Variants in KIF16B observed in about 807,000 individuals in gnomAD.
The protein encoded by KIF16B is kinesin family member 16B.
KIF16B carries 98 observed loss-of-function variants against 156.3 expected under a neutral mutation model. That is an observed-to-expected ratio of 0.63 (90% CI 0.53 to 0.74). KIF16B has a LOEUF of 0.74. Ranked by LOEUF, KIF16B falls within the 30% of genes least tolerant of loss-of-function variation. KIF16B has a pLI of 0.00. For missense variants in KIF16B, 1,421 were observed against 1,606.5 expected (o/e 0.88, Z 1.97); for synonymous variants, 564 against 583.7 (o/e 0.97, Z 0.49).
intron 1 of KIF16B, among the ~76,000 whole-genome samples, chr20:16,540,331 G>T (rs1000330627): frequency 6.9e-6 from 1 of 144,390 alleles, no homozygotes; most frequent in African/African-American, 2.5e-5. Flanking sequence ...TTCAGGGGAT[G>T]AGAAAATAAA....
chr20:16,340,704 A>G (rs1265345436), intron 23 of KIF16B, among the ~76,000 whole-genome samples: 1 of 152,170 alleles, frequency 6.6e-6, no homozygotes, highest in Admixed American at 6.5e-5. Flanking sequence ...TTTCACAGCT[A>G]ATTAATGTTG....
At chr20:16,369,004 T>C (rs2064750303) in intron 22 of KIF16B, 2 of 985,880 alleles carry the variant, frequency 2.0e-6, no homozygotes, top group African/African-American at 3.5e-5. Flanking sequence ...TGGTTCAAAA[T>C]GGCCAGCATG....
chr20:16,356,270 A>G, intron 23 of KIF16B, 60 bp downstream of exon 23: 2 of 1,598,934 alleles, frequency 1.3e-6, no homozygotes, highest in South Asian at 1.1e-5. Flanking sequence ...AAATAAAGAC[A>G]GATAAAGCAC....
chr20:16,476,818 G>C (rs927973625), intron 12 of KIF16B, among the ~76,000 whole-genome samples: 9 of 152,124 alleles, frequency 5.9e-5, no homozygotes, highest in African/African-American at 2.2e-4. Context: ...GAATGCAGTG[G>C]CTCAATCTCG....
At chr20:16,412,288 G>A (rs2065976525) in intron 15 of KIF16B, among the ~76,000 whole-genome samples, 1 of 151,972 alleles carries the variant, frequency 6.6e-6, no homozygotes, top group African/African-American at 2.4e-5. Context: ...GAGCTGATTT[G>A]GTAGTAGACC....
At position 16,273,259 on chromosome 20, in the gene KIF16B, C is replaced by G. The variant is rs143718132; in HGVS notation, c.3948G>C (p.Thr1316=). ...KGVFDYSSHG[T]G is the part of the protein sequence containing the mutation. ...TCCTCCATCACCCCTGGCTCTACCC[C>G]GTCCCGTGGCTGCTGTAGTCAAAGA... The change falls in exon 26 of 26, where the codon ACG becomes ACC. Residue 1316 remains threonine (T), a synonymous_variant. Coordinates refer to ENST00000354981, the MANE Select transcript of KIF16B (RefSeq NM_024704.5). The G allele has an allele frequency of 2.5e-6, 4 of 1,613,798 alleles. No individual in the cohort carries two copies. The African/African-American group carries it at 4.0e-5, about 16-fold the overall frequency.
intron 25 of KIF16B, among the ~76,000 whole-genome samples, chr20:16,279,515 G>A (rs1045955074): frequency 2.0e-5 from 3 of 152,158 alleles, no homozygotes; most frequent in Non-Finnish European, 2.9e-5. Flanking sequence ...ATCTCACAGC[G>A]CTGGCAGGGG....
intron 25 of KIF16B, among the ~76,000 whole-genome samples, chr20:16,292,138 C>G (rs2063322757): frequency 7.4e-6 from 1 of 134,392 alleles, no homozygotes; most frequent in South Asian, 2.3e-4. Flanking sequence ...AAAGTCTTAC[C>G]TTTTTTTAAA....
At position 16,512,277 on chromosome 20, in the gene KIF16B, G is replaced by A. The variant is rs1176959547; in HGVS notation, c.446+549C>T. On this transcript the variant is annotated intron_variant, in intron 5 of 25. Transcript: ENST00000354981. The stretch of plus-strand genomic sequence containing the variant: ...ACTACTATCCTCATTTTATAGGTTA[G>A]GCAAGGGAGGTTTAGTGTGATTCAA... Among the ~76,000 whole-genome samples, 4 of 152,280 alleles carry A rather than the reference G, an allele frequency of 2.6e-5. No homozygotes were observed. In the East Asian group the frequency reaches 7.7e-4, roughly 29 times the overall value.
intron 25 of KIF16B, among the ~76,000 whole-genome samples, chr20:16,280,836 G>GCGCA (rs2063133907): frequency 7.2e-6 from 1 of 138,880 alleles, no homozygotes; most frequent in Non-Finnish European, 1.5e-5. Flanking sequence ...ACTGCTGCGC[G>GCGCA]CGCACGTGTG....
intron 17 of KIF16B, among the ~76,000 whole-genome samples, chr20:16,392,338 T>C (rs995618601): frequency 2.0e-5 from 3 of 152,210 alleles, no homozygotes; most frequent in Non-Finnish European, 4.4e-5. Context: ...TTTTATATTG[T>C]TGGAAATGTA....
chr20:16,404,115 ATGT>A (rs1164357979), intron 17 of KIF16B, among the ~76,000 whole-genome samples: 2 of 152,158 alleles, frequency 1.3e-5, no homozygotes, highest in Non-Finnish European at 2.9e-5. Flanking sequence ...GTTCTAGAAA[ATGT>A]TGTTCTTGTT....
At chr20:16,282,568 T>C (rs565199063) in intron 25 of KIF16B, among the ~76,000 whole-genome samples, 10 of 151,902 alleles carry the variant, frequency 6.6e-5, no homozygotes, top group African/African-American at 2.4e-4. Context: ...GGTGAAGACA[T>C]TGGAGAAAGA....
intron 23 of KIF16B, among the ~76,000 whole-genome samples, chr20:16,337,851 C>T (rs1337711606): frequency 1.3e-5 from 2 of 152,220 alleles, no homozygotes; most frequent in Non-Finnish European, 2.9e-5. Flanking sequence ...GCCCTGCTGC[C>T]TTCCAACAGG....
intron 12 of KIF16B, among the ~76,000 whole-genome samples, chr20:16,484,056 A>G (rs2068051441): frequency 6.6e-6 from 1 of 152,208 alleles, no homozygotes; most frequent in African/African-American, 2.4e-5. Context: ...ATACGCAGTC[A>G]GAGCCCATCA....
At chr20:16,458,690 G>A (rs566695476) in intron 12 of KIF16B, among the ~76,000 whole-genome samples, 1 of 151,942 alleles carries the variant, frequency 6.6e-6, no homozygotes, top group African/African-American at 2.4e-5. Context: ...GGAGAGAGTG[G>A]GAACAGAGGG....
intron 1 of KIF16B, among the ~76,000 whole-genome samples, chr20:16,549,286 C>A (rs1239449927): frequency 6.7e-6 from 1 of 150,182 alleles, no homozygotes; most frequent in South Asian, 2.1e-4. Context: ...TGAGAATATG[C>A]GGTGTTTGGT....
intron 24 of KIF16B, among the ~76,000 whole-genome samples, chr20:16,335,536 T>G (rs932490529): frequency 1.1e-4 from 16 of 152,202 alleles, no homozygotes; most frequent in African/African-American, 3.4e-4. Flanking sequence ...GTCTTTCTTT[T>G]TTAAAGAAAA....
chr20:16,304,049 A>G (rs2063508356), intron 25 of KIF16B, among the ~76,000 whole-genome samples: 2 of 152,350 alleles, frequency 1.3e-5, no homozygotes, highest in South Asian at 4.1e-4. Context: ...CTGAGTGGTT[A>G]GCCATCATCT....
Sources: gnomAD v4.1 joint callset for allele counts (sites outside exome capture counted in the v4.1 genomes callset) on GRCh38, gnomAD v4.1.1 for gene constraint, MANE v1.5 for transcripts, NCBI Gene and HGNC (gene_info 2026-07-23, HGNC 2026-07-21) for gene names.